The following CPNE8 variants were observed in gnomAD, a reference collection of about 807,000 sequenced individuals.
CPNE8 encodes copine 8.
In CPNE8, 45 loss-of-function variants were observed where a neutral mutation model predicts 81.5. That is an observed-to-expected ratio of 0.55 (90% CI 0.44 to 0.71). The LOEUF (loss-of-function observed/expected upper bound fraction) is 0.71, where lower values mean the gene tolerates loss of function less well. CPNE8 is among the 30% of genes least tolerant of loss of function. The probability of loss-of-function intolerance (pLI) is 0.00; values close to 1 mark genes in which losing one functional copy is unlikely to be tolerated. For synonymous variants in CPNE8, 252 were observed against 226.3 expected (o/e 1.11, Z -1.02); for missense variants, 594 against 672.1 (o/e 0.88, Z 1.28).
chr12:38,797,849 C>T (rs1009875804), intron 6 of CPNE8, among the ~76,000 whole-genome samples: 2 of 152,004 alleles, frequency 1.3e-5, no homozygotes, highest in Non-Finnish European at 2.9e-5. Context: ...CAGAAAAGTG[C>T]TTAAAGGAGC....
intron 6 of CPNE8, among the ~76,000 whole-genome samples, chr12:38,783,965 G>A (rs1262803524): frequency 6.6e-6 from 1 of 152,140 alleles, no homozygotes; most frequent in Admixed American, 6.5e-5. Flanking sequence ...AATGTTCAAT[G>A]AACATCTACA....
chr12:38,698,659 C>A (rs1939856634), intron 14 of CPNE8, among the ~76,000 whole-genome samples: 1 of 152,176 alleles, frequency 6.6e-6, no homozygotes, highest in African/African-American at 2.4e-5. Flanking sequence ...GACCAGTCTT[C>A]CCCCGTTGCA....
intron 7 of CPNE8, among the ~76,000 whole-genome samples, chr12:38,771,408 G>C (rs952629260): frequency 4.1e-4 from 63 of 151,896 alleles, no homozygotes; most frequent in Admixed American, 3.9e-4. Context: ...AAAGCCTGCA[G>C]TTAGCCAAAA....
intron 6 of CPNE8, among the ~76,000 whole-genome samples, chr12:38,816,600 A>G (rs929274312): frequency 6.6e-6 from 1 of 152,256 alleles, no homozygotes; most frequent in Admixed American, 6.5e-5. Context: ...ATAGTATGAA[A>G]GAAAGGGGAG....
At chr12:38,783,249 GACAACTATCTATATTTTA>G (rs1017950034) in intron 6 of CPNE8, among the ~76,000 whole-genome samples, 1 of 152,084 alleles carries the variant, frequency 6.6e-6, no homozygotes, top group Non-Finnish European at 1.5e-5. Context: ...CTCCTGCAAA[GACAACTATCTATATTTTA>G]ACAACTATCT....
At chr12:38,681,263 A>G (rs997387616) in intron 16 of CPNE8, among the ~76,000 whole-genome samples, 6 of 152,124 alleles carry the variant, frequency 3.9e-5, no homozygotes, top group Non-Finnish European at 5.9e-5. Context: ...TTTACACCAT[A>G]TACAAGAGGA....
intron 6 of CPNE8, among the ~76,000 whole-genome samples, chr12:38,823,879 G>C (rs932179748): frequency 6.6e-6 from 1 of 152,124 alleles, no homozygotes; most frequent in South Asian, 2.1e-4. Context: ...CAATCTCACA[G>C]CATGAGAAAA....
chr12:38,685,398 A>G, intron 16 of CPNE8, 92 bp downstream of exon 16: 1 of 1,378,882 alleles, frequency 7.3e-7, no homozygotes, highest in Non-Finnish European at 9.8e-7. Context: ...GAAGAAAACA[A>G]CTTTCATGTG....
intron 5 of CPNE8, 116 bp downstream of exon 5, chr12:38,839,800 A>G: frequency 2.1e-6 from 2 of 956,690 alleles, no homozygotes; most frequent in Non-Finnish European, 2.8e-6. Context: ...CTTATTTTCT[A>G]TGACAATCAC....
intron 1 of CPNE8, among the ~76,000 whole-genome samples, chr12:38,899,770 T>C (rs1319228651): frequency 6.6e-6 from 1 of 152,182 alleles, no homozygotes; most frequent in Non-Finnish European, 1.5e-5. Context: ...CACAGAATGA[T>C]TTCTTAAATA....
chr12:38,837,884 T>C (rs1943411897), intron 5 of CPNE8, among the ~76,000 whole-genome samples: 1 of 152,130 alleles, frequency 6.6e-6, no homozygotes, highest in South Asian at 2.1e-4. Context: ...GATAAAATTT[T>C]CTTATGAAAA....
At chr12:38,826,930 G>C (rs1247680393) in intron 6 of CPNE8, among the ~76,000 whole-genome samples, 1 of 151,220 alleles carries the variant, frequency 6.6e-6, no homozygotes, top group Non-Finnish European at 1.5e-5. Context: ...AGAACTTTGG[G>C]AGGCCGAGGC....
At chr12:38,846,842 A>C (rs542553880) in intron 4 of CPNE8, among the ~76,000 whole-genome samples, 126 of 152,270 alleles carry the variant, frequency 8.3e-4, no homozygotes, top group African/African-American at 3.0e-3. Context: ...GCAGGATTAT[A>C]TGTAGTAGGA....
intron 7 of CPNE8, 72 bp from the exon 8 acceptor site, chr12:38,767,810 G>A: frequency 1.1e-6 from 1 of 870,416 alleles, no homozygotes; most frequent in Admixed American, 3.0e-5. Flanking sequence ...TCAGAAACAA[G>A]ACTTGACAAG....
At chr12:38,654,579 T>A (rs1938777215) in intron 19 of CPNE8, among the ~76,000 whole-genome samples, 1 of 150,460 alleles carries the variant, frequency 6.6e-6, no homozygotes, top group Non-Finnish European at 1.5e-5. Flanking sequence ...ACTTACATAA[T>A]ATATGCTTTA....
At chr12:38,806,436 G>A (rs1306476344) in intron 6 of CPNE8, among the ~76,000 whole-genome samples, 1 of 149,532 alleles carries the variant, frequency 6.7e-6, no homozygotes, top group Non-Finnish European at 1.5e-5. Flanking sequence ...TGGGATGCAA[G>A]GCTGGTTCAA....
intron 5 of CPNE8, among the ~76,000 whole-genome samples, chr12:38,834,961 C>T (rs1321345907): frequency 6.6e-6 from 1 of 151,880 alleles, no homozygotes; most frequent in Non-Finnish European, 1.5e-5. Context: ...CTGCAACCTC[C>T]GCCTCCCTGG....
At chr12:38,831,826 C>T (rs770064834) in intron 5 of CPNE8, among the ~76,000 whole-genome samples, 1 of 152,128 alleles carries the variant, frequency 6.6e-6, no homozygotes, top group Non-Finnish European at 1.5e-5. Context: ...CAAAAAAACA[C>T]ACAAGGGCGA....
chr12:38,788,716 T>C (rs144445655), intron 6 of CPNE8, among the ~76,000 whole-genome samples: 1 of 151,820 alleles, frequency 6.6e-6, no homozygotes, highest in African/African-American at 2.4e-5. Flanking sequence ...TAGAAAAACC[T>C]GAAGATGCCA....
Sources: allele counts gnomAD v4.1 joint callset (sites outside exome capture counted in the v4.1 genomes callset), GRCh38; gene constraint gnomAD v4.1.1; transcripts MANE v1.5; gene names NCBI Gene and HGNC (gene_info 2026-07-23, HGNC 2026-07-21).